Variants in CCP110 observed in about 807,000 individuals in gnomAD.
The protein encoded by CCP110 is centriolar coiled-coil protein of 110 kDa.
In CCP110, 43 loss-of-function variants were observed where a neutral mutation model predicts 105.5. The observed-to-expected ratio is 0.41, with a 90% CI of 0.32 to 0.53. The LOEUF (loss-of-function observed/expected upper bound fraction) is 0.53, where lower values mean the gene tolerates loss of function less well. Ranked by LOEUF, CCP110 falls within the 20% of genes least tolerant of loss-of-function variation. The probability of loss-of-function intolerance (pLI) is 0.32; values close to 1 mark genes in which losing one functional copy is unlikely to be tolerated. For missense variants in CCP110, 1,016 were observed against 1,189.1 expected (o/e 0.85, Z 2.14); for synonymous variants, 353 against 392.1 (o/e 0.90, Z 1.18).
chr16:19,544,260 GATA>G (rs1255420897), intron 8 of CCP110, among the ~76,000 whole-genome samples: 13 of 152,144 alleles, frequency 8.5e-5, no homozygotes, highest in Admixed American at 2.6e-4. Context: ...ATCTTTCTCA[GATA>G]ATATTATGAA....
At chr16:19,542,147 C>A in intron 6 of CCP110, 83 bp downstream of exon 6, 1 of 938,882 alleles carries the variant, frequency 1.1e-6, no homozygotes, top group Non-Finnish European at 1.6e-6. Context: ...GATTATATCT[C>A]CTGTTTTCAA....
chr16:19,533,504 G>A (rs555665472), intron 3 of CCP110, among the ~76,000 whole-genome samples: 4 of 152,236 alleles, frequency 2.6e-5, no homozygotes, highest in African/African-American at 9.6e-5. Context: ...TGAGATAAGC[G>A]ATCACATTTT....
At chr16:19,525,248 G>A (rs150663739) in intron 1 of CCP110, 3 of 152,296 alleles carry the variant, frequency 2.0e-5, no homozygotes, top group Middle Eastern at 3.4e-3. Flanking sequence ...AGGACCATGA[G>A]TCTACGGGGT....
chr16:19,551,209 A>C, exon 15 of CCP110: 1 of 1,611,424 alleles, frequency 6.2e-7, no homozygotes, highest in Non-Finnish European at 8.5e-7. Flanking sequence ...TATATGCAGG[A>C]AAAATCCAAA....
chr16:19,537,721 T>C (rs1970127450), intron 4 of CCP110, 134 bp downstream of exon 4: 5 of 577,318 alleles, frequency 8.7e-6, no homozygotes, highest in Non-Finnish European at 1.2e-5. Context: ...TTAGAAAGCA[T>C]ATTAGTCAGC....
In CCP110 at chr16:19,537,474, A is replaced by G. The variant is rs138995242; in HGVS notation, c.1805A>G (p.Tyr602Cys). The change falls in exon 4 of 15, where the codon TAT becomes TGT. Residue 602 changes from tyrosine (Y) to cysteine (C), a missense_variant. By Grantham distance (194) the Tyr-to-Cys change is radical. Coordinates refer to ENST00000381396, the Ensembl canonical transcript of CCP110. ...GGTTTGCAAAAAGAAAACTGCCCTT[A>G]TGTCATAACAAGTGGAATAACTGAA... 1.2e-4 allele frequency: 195 copies of G among 1,611,978 alleles called. No homozygotes were observed. Among genetic ancestry groups the G allele is most frequent in the Non-Finnish European group, 1.5e-4 (180 of 1,178,456 alleles).
chr16:19,535,254 A>G (rs2151468528), intron 3 of CCP110, among the ~76,000 whole-genome samples: 1 of 151,294 alleles, frequency 6.6e-6, no homozygotes, highest in East Asian at 1.9e-4. Flanking sequence ...CGGATGTATA[A>G]TTACCTTTAG....
chr16:19,551,228 C>T, exon 15 of CCP110: 6 of 1,612,638 alleles, frequency 3.7e-6, no homozygotes, highest in Non-Finnish European at 4.2e-6. Flanking sequence ...AAGAAAGCGG[C>T]CAAATGTTGC....
At chr16:19,540,896 A>C in intron 5 of CCP110, 109 bp downstream of exon 5, 1 of 721,602 alleles carries the variant, frequency 1.4e-6, no homozygotes. Context: ...ATATATCTTA[A>C]GGTAAGGGAG....
chr16:19,548,400 TCTTTTCAAGCTTATTTGTG>T lies in CCP110; in HGVS notation c.2901-110_2901-92del, dbSNP rs1567367480. On this transcript the variant is annotated intron_variant, in intron 13 of 14. Coordinates refer to ENST00000381396, the Ensembl canonical transcript of CCP110. This position sits in a 1 kb window ranked among gnomAD's most constrained non-coding sequence, Gnocchi z 4.1. Reference sequence around the variant, plus strand: ...CTGTGCGCATGCATGAGACTTCAGTTCTTTTCAAGCTTATTTGTGCTTTGGACAGTTGATGCAATGTGAT... The same window carrying T: ...CTGTGCGCATGCATGAGACTTCAGTTCTTTGGACAGTTGATGCAATGTGAT... 1.4e-6 allele frequency: 1 copy of T among 700,006 alleles called. No individual in the cohort carries two copies. Among genetic ancestry groups the T allele is most frequent in the East Asian group, 2.7e-5 (1 of 36,742 alleles). 43.4% of individuals were successfully genotyped at this position (700,006 alleles called of 1,614,324 possible). A position where few individuals can be genotyped will look rare whatever the true frequency, so the allele number is the denominator to read the frequency against.
At chr16:19,547,427 T>C (rs1268618116) in intron 12 of CCP110, 2 of 152,512 alleles carry the variant, frequency 1.3e-5, no homozygotes, top group African/African-American at 2.4e-5. Flanking sequence ...AAAAGCTAAC[T>C]TAAGCTGGGC....
At chr16:19,551,250 A>G (rs1970631110) in exon 15 of CCP110, 1 of 1,610,196 alleles carries the variant, frequency 6.2e-7, no homozygotes, top group Admixed American at 1.7e-5. Context: ...ACAATTTAAG[A>G]AGACAACATT....
rs1970036178 is a variant in CCP110 at position 19,535,955 on chromosome 16, A to AAT, written c.287_288dup (p.Ala97MetfsTer22). ...CCTGTTTCAGGTTAGAAAAGCACCT[A>AAT]ATGCCAGTGATTTTGATCAGTGGGA... On this transcript the variant is annotated frameshift_variant, in exon 4 of 15. Transcript: ENST00000381396. LOFTEE classifies it high-confidence loss of function. 1 of 1,588,586 alleles carries AAT rather than the reference A, an allele frequency of 6.3e-7. No individual in the cohort carries two copies. The highest frequency in any genetic ancestry group is 1.4e-5 in the African/African-American group (1 of 73,820).
At position 19,545,932 on chromosome 16, in the gene CCP110, T is replaced by A. The variant is rs779849097; in HGVS notation, c.2777+42T>A. The A allele has an allele frequency of 2.6e-6, 3 of 1,137,646 alleles. No individual in the cohort carries two copies. The Admixed American group carries it at 5.5e-5, about 21-fold the overall frequency. The allele number at this position is 1,137,646 out of a possible 1,614,324, so 70.5% of individuals were successfully genotyped here. Reference sequence around the variant, plus strand: ...ATGTCATGTTAGTTATCAAACCAATTAATTTTAGTCATCTGTTGGTCTATT... The same window carrying A: ...ATGTCATGTTAGTTATCAAACCAATAAATTTTAGTCATCTGTTGGTCTATT... On this transcript the variant is annotated intron_variant, in intron 11 of 14. Coordinates refer to ENST00000381396, the Ensembl canonical transcript of CCP110.
chr16:19,537,643 C>A, intron 4 of CCP110, 56 bp downstream of exon 4: 1 of 979,298 alleles, frequency 1.0e-6, no homozygotes, highest in Non-Finnish European at 1.5e-6. Context: ...TATTTTAATA[C>A]TCTTAATTGA....
At chr16:19,543,725 C>T (rs1171537708) in intron 8 of CCP110, among the ~76,000 whole-genome samples, 1 of 152,150 alleles carries the variant, frequency 6.6e-6, no homozygotes, top group African/African-American at 2.4e-5. Flanking sequence ...TAAACGGCCA[C>T]TCTGGGAGTA....
At chr16:19,538,837 C>T (rs1245301895) in intron 4 of CCP110, among the ~76,000 whole-genome samples, 32 of 151,876 alleles carry the variant, frequency 2.1e-4, no homozygotes, top group Admixed American at 2.0e-4. Flanking sequence ...TTTAGGCCGG[C>T]GCGGTTGCTT....
chr16:19,542,213 A>G (rs1374732108), intron 6 of CCP110, 149 bp downstream of exon 6: 1 of 577,772 alleles, frequency 1.7e-6, no homozygotes. Context: ...GAAAAATGAC[A>G]TGATAGGAGA....
chr16:19,531,881 G>A (rs928052265), intron 2 of CCP110, among the ~76,000 whole-genome samples: 12 of 151,388 alleles, frequency 7.9e-5, no homozygotes, highest in African/African-American at 2.4e-4. Flanking sequence ...CAGGAGAATC[G>A]CTTGAACCCA....
Sources: gnomAD v4.1 joint callset for allele counts (sites outside exome capture counted in the v4.1 genomes callset) on GRCh38, gnomAD v4.1.1 for gene constraint, Gnocchi (gnomAD v3.1) non-coding constraint, MANE v1.5 for transcripts, NCBI Gene and HGNC (gene_info 2026-07-23, HGNC 2026-07-21) for gene names.